NDUFAF2: variants seen among roughly 807,000 people sequenced by gnomAD.
The protein encoded by NDUFAF2 is NADH:ubiquinone oxidoreductase complex assembly factor 2.
In NDUFAF2, 13 loss-of-function variants were observed where a neutral mutation model predicts 22.8. The observed-to-expected ratio is 0.57, with a 90% confidence interval of 0.37 to 0.91. NDUFAF2 has a LOEUF of 0.91. Ranked by LOEUF, NDUFAF2 falls within the 40% of genes least tolerant of loss-of-function variation. The pLI, the probability that NDUFAF2 is intolerant of heterozygous loss-of-function variation, is 0.01. For missense variants in NDUFAF2, 162 were observed against 195.2 expected, an observed-to-expected ratio of 0.83 and a Z score of 1.01; for synonymous variants, 53 against 64.2, an observed-to-expected ratio of 0.83 and a Z score of 0.84.
At chr5:61,031,797 C>T (rs1389584773) in intron 1 of NDUFAF2, among the ~76,000 whole-genome samples, 2 of 152,134 alleles carry the variant, frequency 1.3e-5, no homozygotes, top group East Asian at 3.9e-4. Context: ...TGAGGAATTG[C>T]CACACTGTCT....
intron 1 of NDUFAF2, among the ~76,000 whole-genome samples, chr5:60,964,758 C>T (rs750223396): frequency 5.9e-5 from 9 of 152,040 alleles, no homozygotes; most frequent in Non-Finnish European, 1.2e-4. Context: ...GGCCACATAA[C>T]GTTGATTACC....
At chr5:61,068,400 A>G (rs534287325) in intron 1 of NDUFAF2, among the ~76,000 whole-genome samples, 1 of 152,228 alleles carries the variant, frequency 6.6e-6, no homozygotes, top group South Asian at 2.1e-4. Context: ...GAAACTGAAT[A>G]TTGATTTTCC....
intron 1 of NDUFAF2, among the ~76,000 whole-genome samples, chr5:61,046,609 A>C (rs1751957154): frequency 6.6e-6 from 1 of 152,162 alleles, no homozygotes. Context: ...TGAAGGGCTT[A>C]GTGATAACAC....
At chr5:60,997,053 C>T (rs1751237196) in intron 1 of NDUFAF2, among the ~76,000 whole-genome samples, 1 of 152,180 alleles carries the variant, frequency 6.6e-6, no homozygotes, top group Admixed American at 6.5e-5. Context: ...CCATCATGCT[C>T]TACCCTCTGT....
chr5:61,069,187 C>G (rs976626121), intron 1 of NDUFAF2, among the ~76,000 whole-genome samples: 2 of 150,826 alleles, frequency 1.3e-5, no homozygotes, highest in Non-Finnish European at 2.9e-5. Context: ...TCCTTCAAAC[C>G]TAACAAAACA....
intron 1 of NDUFAF2, among the ~76,000 whole-genome samples, chr5:61,041,404 G>GT (rs1467153652): frequency 6.6e-6 from 1 of 152,004 alleles, no homozygotes. Flanking sequence ...GTTGTAGGTT[G>GT]TTTTTTCACC....
intron 1 of NDUFAF2, among the ~76,000 whole-genome samples, chr5:61,008,917 T>C (rs374485476): frequency 1.3e-5 from 2 of 152,096 alleles, no homozygotes; most frequent in East Asian, 3.9e-4. Context: ...GTCTGTCTTA[T>C]CAGTTTTTCT....
At chr5:61,040,302 G>GCACGCGCGCGCGC (rs1491236283) in intron 1 of NDUFAF2, among the ~76,000 whole-genome samples, 1 of 146,368 alleles carries the variant, frequency 6.8e-6, no homozygotes, top group African/African-American at 2.5e-5. Flanking sequence ...GCGCGCGCGC[G>GCACGCGCGCGCGC]AAAGTTGAAA....
intron 2 of NDUFAF2, among the ~76,000 whole-genome samples, chr5:61,097,107 G>T (rs1451819983): frequency 6.6e-6 from 1 of 152,182 alleles, no homozygotes; most frequent in Non-Finnish European, 1.5e-5. Context: ...AGGGGGAAAT[G>T]ACTGATCCCA....
chr5:61,012,704 T>C (rs944124147), intron 1 of NDUFAF2, among the ~76,000 whole-genome samples: 15 of 152,028 alleles, frequency 9.9e-5, no homozygotes, highest in African/African-American at 3.4e-4. Context: ...TTCTCTACTT[T>C]GAAAAATCAT....
chr5:61,033,356 A>G (rs999782658), intron 1 of NDUFAF2, among the ~76,000 whole-genome samples: 2 of 152,160 alleles, frequency 1.3e-5, no homozygotes, highest in Admixed American at 6.6e-5. Flanking sequence ...TATGCCATCT[A>G]TGTATGGCAA....
chr5:61,084,667 T>G (rs978183110), intron 2 of NDUFAF2, among the ~76,000 whole-genome samples: 2 of 152,220 alleles, frequency 1.3e-5, no homozygotes, highest in South Asian at 4.1e-4. Flanking sequence ...ATTCCTTTTT[T>G]GGGCTGAATA....
intron 1 of NDUFAF2, among the ~76,000 whole-genome samples, chr5:60,977,745 G>C (rs1473313333): frequency 6.6e-6 from 1 of 151,200 alleles, no homozygotes; most frequent in Non-Finnish European, 1.5e-5. Context: ...TCAGAGGCAG[G>C]AGAATCGCTT....
intron 1 of NDUFAF2, among the ~76,000 whole-genome samples, chr5:61,023,703 GTT>G (rs1308909882): frequency 1.3e-5 from 2 of 152,128 alleles, no homozygotes; most frequent in Non-Finnish European, 2.9e-5. Flanking sequence ...AGTGGTGACT[GTT>G]TTCCCTCTCT....
rs1751205366 is a variant in NDUFAF2, at chr5:60,994,668, GTCT to G, written c.127+49291_127+49293del. On this transcript the variant is annotated intron_variant, in intron 1 of 3. Coordinates refer to ENST00000296597, the MANE Select transcript of NDUFAF2 (RefSeq NM_174889.5). ...TTTTATTATTAAATGTCTTGAAGTA[GTCT>G]TCTTTGGGTTAAATCAGCTTGGTGT... is the stretch of plus-strand genomic sequence containing the variant. 3.9e-5 allele frequency among the ~76,000 whole-genome samples: 6 copies of G among 152,288 alleles called. No individual in the cohort carries two copies. The South Asian group carries it at 1.2e-3, about 32-fold the overall frequency.
chr5:60,987,695 CAATA>C (rs1751101243), intron 1 of NDUFAF2, among the ~76,000 whole-genome samples: 1 of 152,140 alleles, frequency 6.6e-6, no homozygotes, highest in South Asian at 2.1e-4. Flanking sequence ...GTGATTATCT[CAATA>C]GATGCAGAAA....
rs1019694902 is a variant in NDUFAF2 at position 61,020,252 on chromosome 5, C to T, written c.128-52873C>T. ...TCGTTTTTTATTTTGTTTCACTAAG[C>T]AATAATTGTCCTCTTTTATCTCATA... is the stretch of plus-strand genomic sequence containing the variant. On this transcript the variant is annotated intron_variant, in intron 1 of 3. Coordinates refer to ENST00000296597, the MANE Select transcript of NDUFAF2 (RefSeq NM_174889.5). Among the ~76,000 whole-genome samples the T allele has an allele frequency of 5.3e-5, 8 of 152,082 alleles. No homozygotes were observed. In the South Asian group the frequency reaches 6.2e-4, roughly 12 times the overall value.
At chr5:61,147,423 AT>A (rs1036796067) in intron 3 of NDUFAF2, among the ~76,000 whole-genome samples, 11 of 54,052 alleles carry the variant, frequency 2.0e-4, no homozygotes, top group South Asian at 1.5e-3. Flanking sequence ...TAATTTTTGT[AT>A]TTTTTTTTCT....
chr5:60,950,638 TG>T (rs200787663), intron 1 of NDUFAF2, among the ~76,000 whole-genome samples: 1 of 148,998 alleles, frequency 6.7e-6, no homozygotes, highest in Non-Finnish European at 1.5e-5. Context: ...GCTTGCTTGC[TG>T]GGTTTTTTTT....
Sources: allele counts gnomAD v4.1 joint callset (sites outside exome capture counted in the v4.1 genomes callset), GRCh38; gene constraint gnomAD v4.1.1; transcripts MANE v1.5; gene names NCBI Gene and HGNC (gene_info 2026-07-23, HGNC 2026-07-21).